The following PFKM variants were observed in gnomAD, a reference collection of about 807,000 sequenced individuals.
The protein encoded by PFKM is phosphofructokinase, muscle, also known as ATP-dependent 6-phosphofructokinase, muscle type.
Under a neutral mutation model 95.5 loss-of-function variants are expected in PFKM, and 58 were observed. The observed-to-expected ratio is 0.61, with a 90% CI of 0.49 to 0.76. The LOEUF is 0.76. PFKM is among the 30% of genes least tolerant of loss of function. PFKM has a pLI of 0.00. For missense variants in PFKM, 678 were observed against 1,005.4 expected (o/e 0.67, Z 4.40); for synonymous variants, 336 against 357.2 (o/e 0.94, Z 0.67).
chr12:48,135,467 C>T (rs1949985852), intron 10 of PFKM, 84 bp downstream of exon 10: 4 of 943,278 alleles, frequency 4.2e-6, no homozygotes, highest in Non-Finnish European at 6.8e-6. Context: ...CTTCACCAGA[C>T]AGGGACTTAC....
chr12:48,133,609 C>G, intron 6 of PFKM, 129 bp downstream of exon 6: 1 of 807,436 alleles, frequency 1.2e-6, no homozygotes, highest in Non-Finnish European at 2.0e-6. Flanking sequence ...GGGGCTAGAA[C>G]ACTATTTTTA....
chr12:48,134,516 T>C (rs1333980879), intron 7 of PFKM, among the ~76,000 whole-genome samples: 1 of 152,218 alleles, frequency 6.6e-6, no homozygotes, highest in Non-Finnish European at 1.5e-5. Context: ...TGGAAGCCAC[T>C]GTGGCAGGTG....
chr12:48,123,252 A>G (rs1308614755), intron 2 of PFKM, among the ~76,000 whole-genome samples: 1 of 152,162 alleles, frequency 6.6e-6, no homozygotes, highest in Non-Finnish European at 1.5e-5. Flanking sequence ...GTGGGTCCCA[A>G]CTAGGTCTTC....
At chr12:48,111,447 C>T (rs4760681) in intron 3 of PFKM, among the ~76,000 whole-genome samples, 27,477 of 152,118 alleles carry the variant, frequency 0.18, 2,662 homozygotes, top group East Asian at 0.24. Context: ...TATGTAACAG[C>T]ATGGTGGTGC....
intron 10 of PFKM, among the ~76,000 whole-genome samples, chr12:48,136,403 G>A (rs893736894): frequency 2.6e-5 from 4 of 152,220 alleles, no homozygotes; most frequent in East Asian, 1.9e-4. Context: ...TGGAGTGGAC[G>A]TATTACAGCT....
chr12:48,142,262 C>T lies in PFKM; in HGVS notation c.1653+196C>T, dbSNP rs1950638560. 11 of 642,060 alleles carry T rather than the reference C, an allele frequency of 1.7e-5. No homozygotes were observed. In the South Asian group the frequency reaches 1.9e-4, roughly 11 times the overall value. The allele number at this position is 642,060 out of a possible 1,614,324, so 39.8% of individuals were successfully genotyped here. ...CCAAGGCAGGCAGATCACTTGGGGT[C>T]AGGAGTTCAAGAGCAGCCTGGCCAA... On this transcript the variant is annotated intron_variant, in intron 17 of 22. Coordinates refer to ENST00000359794, the MANE Select transcript of PFKM (RefSeq NM_000289.6).
intron 10 of PFKM, 104 bp downstream of exon 10, chr12:48,135,487 C>A: frequency 1.3e-6 from 1 of 771,604 alleles, no homozygotes; most frequent in Non-Finnish European, 2.2e-6. Context: ...CATCACTGGT[C>A]GCATTGCCTC....
intron 2 of PFKM, among the ~76,000 whole-genome samples, chr12:48,125,741 T>C (rs1041089484): frequency 6.6e-6 from 1 of 152,102 alleles, no homozygotes; most frequent in Non-Finnish European, 1.5e-5. Context: ...CCACAGGCCA[T>C]GTGCCACCAC....
chr12:48,105,367 G>A (rs1946432988), upstream of PFKM: 1 of 518,846 alleles, frequency 1.9e-6, no homozygotes, highest in Non-Finnish European at 3.8e-6. Context: ...ATCACGTTAG[G>A]GTACACCAAG....
intron 20 of PFKM, among the ~76,000 whole-genome samples, chr12:48,144,742 C>T (rs1430137799): frequency 6.6e-6 from 1 of 152,170 alleles, no homozygotes; most frequent in Non-Finnish European, 1.5e-5. Context: ...GACCCATTGG[C>T]CAATAAAACT....
chr12:48,127,298 C>G (rs965845555), intron 2 of PFKM, among the ~76,000 whole-genome samples: 8 of 152,146 alleles, frequency 5.3e-5, no homozygotes, highest in African/African-American at 1.7e-4. Flanking sequence ...TTCCTTGCCC[C>G]TTTCCCTTAT....
At chr12:48,125,649 G>A (rs1222939425) in intron 2 of PFKM, 1 of 166,882 alleles carries the variant, frequency 6.0e-6, no homozygotes, top group Non-Finnish European at 1.3e-5. Flanking sequence ...AAGATGGGAA[G>A]GGATCTTTTT....
intron 3 of PFKM, among the ~76,000 whole-genome samples, chr12:48,111,763 G>T (rs1947208608): frequency 6.6e-6 from 1 of 152,200 alleles, no homozygotes; most frequent in Admixed American, 6.5e-5. Flanking sequence ...AGTCATGGGG[G>T]TCAGGTGTGG....
At position 48,141,770 on chromosome 12, in the gene PFKM, C is replaced by T. The variant is rs2136006513; in HGVS notation, c.1443C>T (p.Ile481=). Residue 481 remains isoleucine, a synonymous_variant, in exon 16 of 23, where the codon ATC becomes ATT. Transcript: ENST00000359794. ...RTLPKKSFEQ[I]SANITKFNIQ... ...TACCCAAGAAGAGCTTTGAACAGAT[C>T]AGTGCCAATATAACTAAGTTTAACA... 2 of 1,613,598 alleles carry T rather than the reference C, an allele frequency of 1.2e-6. No individual in the cohort carries two copies. The highest frequency in any genetic ancestry group is 1.7e-5 in the Admixed American group (1 of 60,024).
upstream of PFKM, chr12:48,118,519 G>A: frequency 6.6e-7 from 1 of 1,525,304 alleles, no homozygotes; most frequent in African/African-American, 1.4e-5. Context: ...GCAAGAGGAA[G>A]AGGGCAGTGG....
intron 3 of PFKM, among the ~76,000 whole-genome samples, chr12:48,111,955 GT>G (rs1947229186): frequency 1.3e-5 from 2 of 152,198 alleles, no homozygotes; most frequent in African/African-American, 4.8e-5. Context: ...GTTGAGCATA[GT>G]TTGTGATTTT....
chr12:48,133,507 G>T, intron 6 of PFKM, 27 bp downstream of exon 6: 1 of 1,603,858 alleles, frequency 6.2e-7, no homozygotes, highest in Non-Finnish European at 8.5e-7. Flanking sequence ...GGTAGGCAGT[G>T]TAAGAAGATG....
chr12:48,134,478 G>A (rs142814050), intron 7 of PFKM, among the ~76,000 whole-genome samples: 164 of 152,366 alleles, frequency 1.1e-3, no homozygotes, highest in Admixed American at 2.2e-3. Context: ...CACGTGCTTG[G>A]TGTAAAGAGT....
chr12:48,107,982 C>A, intron 2 of PFKM: 2 of 1,367,066 alleles, frequency 1.5e-6, no homozygotes, highest in Non-Finnish European at 2.0e-6. Context: ...CCCTGGACAG[C>A]TCAGAGTCAT....
Sources: gnomAD v4.1 joint callset for allele counts (sites outside exome capture counted in the v4.1 genomes callset) on GRCh38, gnomAD v4.1.1 for gene constraint, MANE v1.5 for transcripts, NCBI Gene and HGNC (gene_info 2026-07-23, HGNC 2026-07-21) for gene names.